The following HYDIN variants were observed in gnomAD, a reference collection of about 807,000 sequenced individuals.
HYDIN encodes the protein axonemal central pair apparatus protein HYDIN.
HYDIN carries 132 observed loss-of-function variants against 403.9 expected under a neutral mutation model. The observed-to-expected ratio is 0.33, with a 90% CI of 0.28 to 0.38. The LOEUF (loss-of-function observed/expected upper bound fraction) is 0.38, where lower values mean the gene tolerates loss of function less well. HYDIN is among the 10% of genes least tolerant of loss of function. The pLI is 1.00. For synonymous variants in HYDIN, 1,202 were observed against 1,891.7 expected (o/e 0.64, Z 9.46); for missense variants, 2,827 against 5,009.5 (o/e 0.56, Z 13.15).
rs774260450 is a variant in HYDIN at position 70,938,627 on chromosome 16, C to T, written c.6982G>A (p.Glu2328Lys). 11 of 1,599,444 alleles carry T rather than the reference C, an allele frequency of 6.9e-6. No homozygotes were observed. Among genetic ancestry groups the T allele is most frequent in the African/African-American group, 4.0e-5 (3 of 74,782 alleles). Residue 2328 changes from glutamate (E) to lysine (K), a missense_variant, in exon 44 of 86, where the codon GAG (glutamate) becomes AAG (lysine). Physicochemically the swap from Glu to Lys is moderately conservative, Grantham distance 56. Transcript: ENST00000393567. Reference sequence around the variant, plus strand: ...CTTGGCCCTGACCTCTTCTTCCGCTCGCGGAGCGCCTGCTGAATCCCCCGA... The same window carrying T: ...CTTGGCCCTGACCTCTTCTTCCGCTTGCGGAGCGCCTGCTGAATCCCCCGA... Reference protein sequence around the residue: ...FDRGIQQALRERKKREQERLA... With the variant: ...FDRGIQQALRKRKKREQERLA...
At chr16:70,835,575 T>G (rs2037373237) in intron 78 of HYDIN, 101 bp downstream of exon 78, 2 of 649,012 alleles carry the variant, frequency 3.1e-6, no homozygotes, top group Non-Finnish European at 5.5e-6. Flanking sequence ...TCTGGCACAT[T>G]ACAGATGCAC....
In HYDIN at chr16:70,991,313, C is replaced by T. The variant is rs531687931; in HGVS notation, c.3864+5G>A. 26 of 1,613,804 alleles carry T rather than the reference C, an allele frequency of 1.6e-5. No homozygotes were observed. The African/African-American group carries it at 2.0e-4, about 12-fold the overall frequency. ...CCTACCCTCCCCATGGAAAGGACAC[C>T]GTACATCTGAGATCACACTGGAAGC... On this transcript the variant is annotated splice_donor_5th_base_variant and intron_variant, in intron 25 of 85. Transcript: ENST00000393567.
chr16:71,019,407 A>T (rs1304908711), intron 22 of HYDIN, among the ~76,000 whole-genome samples: 1 of 152,292 alleles, frequency 6.6e-6, no homozygotes, highest in Non-Finnish European at 1.5e-5. Flanking sequence ...TGATAAAGCC[A>T]CTCACCTGAT....
intron 21 of HYDIN, among the ~76,000 whole-genome samples, chr16:71,025,101 T>C (rs528617433): frequency 4.6e-5 from 7 of 152,358 alleles, no homozygotes; most frequent in African/African-American, 1.2e-4. Context: ...TAAAGTAAGA[T>C]GATTGACTAA....
In HYDIN at chr16:70,879,638, C is replaced by T. The variant is rs2040660674; in HGVS notation, c.10334G>A (p.Cys3445Tyr). The change falls in exon 61 of 86, where the codon TGC becomes TAC. Residue 3445 changes from cysteine to tyrosine, a missense_variant. By Grantham distance (194) the Cys-to-Tyr change is radical (BLOSUM62 -2). Transcript: ENST00000393567. ...GCCATCCAAGGTAGCCTCAAAGATG[C>T]ACTGGTAGTTCTGCATGATCTGCGG... is the stretch of plus-strand genomic sequence containing the variant. ...FTPQIMQNYQ[C>Y]IFEATLDGLP... is the part of the protein sequence containing the mutation. The T allele has an allele frequency of 1.2e-6, 2 of 1,611,914 alleles. No individual in the cohort carries two copies. The highest frequency in any genetic ancestry group is 1.7e-6 in the Non-Finnish European group (2 of 1,179,616).
At chr16:70,809,488 T>C (rs1295891498) in intron 85 of HYDIN, among the ~76,000 whole-genome samples, 1 of 152,226 alleles carries the variant, frequency 6.6e-6, no homozygotes, top group Non-Finnish European at 1.5e-5. Context: ...TACTAAGCTA[T>C]ACTGTCTCCC....
At chr16:70,882,488 CA>C (rs1447403110) in intron 60 of HYDIN, among the ~76,000 whole-genome samples, 171 bp downstream of exon 60, 1 of 152,118 alleles carries the variant, frequency 6.6e-6, no homozygotes, top group African/African-American at 2.4e-5. Flanking sequence ...CCCACTGGGA[CA>C]AATGTATCAC....
intron 1 of HYDIN, among the ~76,000 whole-genome samples, chr16:71,206,739 G>A (rs372015990): frequency 7.9e-5 from 12 of 152,174 alleles, no homozygotes; most frequent in South Asian, 2.1e-4. Flanking sequence ...GTAACTGACC[G>A]ATAGAGCTGA....
At chr16:71,206,511 A>C (rs2088307510) in intron 1 of HYDIN, among the ~76,000 whole-genome samples, 1 of 152,222 alleles carries the variant, frequency 6.6e-6, no homozygotes, top group Non-Finnish European at 1.5e-5. Context: ...CAACTCAAAA[A>C]GTCAGAGTGT....
intron 8 of HYDIN, among the ~76,000 whole-genome samples, chr16:71,130,084 G>C (rs2084643758): frequency 1.3e-5 from 2 of 152,130 alleles, no homozygotes; most frequent in Admixed American, 1.3e-4. Flanking sequence ...CTTTACTCCT[G>C]AGCCCTTATG....
intron 18 of HYDIN, among the ~76,000 whole-genome samples, chr16:71,047,976 C>T (rs1214643089): frequency 6.7e-6 from 1 of 149,622 alleles, no homozygotes; most frequent in Non-Finnish European, 1.5e-5. Context: ...GTTAACCAAC[C>T]TCTCCTTTCT....
chr16:71,107,487 A>T (rs1263718158), intron 10 of HYDIN, among the ~76,000 whole-genome samples: 1 of 151,166 alleles, frequency 6.6e-6, no homozygotes, highest in African/African-American at 2.4e-5. Flanking sequence ...AAAAAAACAA[A>T]CAATCCTATT....
chr16:71,186,927 G>A lies in HYDIN; in HGVS notation c.-23-9C>T, dbSNP rs1052632119. On this transcript the variant is annotated splice_polypyrimidine_tract_variant and intron_variant, in intron 1 of 85. Transcript: ENST00000393567. ...TAATTTTTTTTTCTCACCTAAGAGT[G>A]AAACAAAAATGTCTTAGAACAAATA... The A allele has an allele frequency of 3.2e-6, 5 of 1,575,676 alleles. No homozygotes were observed. In the African/African-American group the frequency reaches 5.5e-5, roughly 17 times the overall value.
chr16:71,145,753 G>A (rs1004603340), intron 7 of HYDIN, among the ~76,000 whole-genome samples: 4 of 152,138 alleles, frequency 2.6e-5, no homozygotes, highest in African/African-American at 4.8e-5. Context: ...GAGATGAGAC[G>A]ATCTGCTATA....
At chr16:71,107,944 AAAG>A (rs2083677008) in intron 10 of HYDIN, among the ~76,000 whole-genome samples, 1 of 152,200 alleles carries the variant, frequency 6.6e-6, no homozygotes, top group South Asian at 2.1e-4. Context: ...TAGACTGGAT[AAAG>A]AAAATGTGAT....
At chr16:71,202,908 A>T (rs2040651) in intron 1 of HYDIN, among the ~76,000 whole-genome samples, 8 of 152,110 alleles carry the variant, frequency 5.3e-5, no homozygotes, top group African/African-American at 1.9e-4. Flanking sequence ...AGACATAGCC[A>T]ATCATAGTAT....
intron 45 of HYDIN, among the ~76,000 whole-genome samples, chr16:70,929,030 C>T (rs1242598266): frequency 6.6e-6 from 1 of 152,146 alleles, no homozygotes; most frequent in Non-Finnish European, 1.5e-5. Context: ...TGGCTCACAC[C>T]TGTAATCCCA....
chr16:70,968,548 C>T (rs2078649746), intron 36 of HYDIN, among the ~76,000 whole-genome samples: 1 of 152,126 alleles, frequency 6.6e-6, no homozygotes, highest in Non-Finnish European at 1.5e-5. Context: ...CACTCCTGCC[C>T]AGCAGTAATG....
intron 80 of HYDIN, 137 bp downstream of exon 80, chr16:70,832,711 A>G: frequency 3.2e-6 from 2 of 624,156 alleles, no homozygotes; most frequent in Middle Eastern, 4.2e-4. Context: ...GAGAATGAAT[A>G]TTCCAGCAGT....
Sources: gnomAD v4.1 joint callset for allele counts (sites outside exome capture counted in the v4.1 genomes callset) on GRCh38, gnomAD v4.1.1 for gene constraint, MANE v1.5 for transcripts, NCBI Gene and HGNC (gene_info 2026-07-23, HGNC 2026-07-21) for gene names.